The following WDPCP variants were observed in gnomAD, a reference collection of about 807,000 sequenced individuals.
The protein encoded by WDPCP is WD repeat-containing and planar cell polarity effector protein fritz homolog.
In WDPCP, 71 loss-of-function variants were observed where a neutral mutation model predicts 93.1. The ratio of observed to expected loss-of-function variants is 0.76; its 90% CI spans 0.63 to 0.93. The LOEUF is 0.93. Among genes scored for constraint, WDPCP ranks in the 40% least tolerant of loss-of-function variants. The probability of loss-of-function intolerance (pLI) is 0.00; values close to 1 mark genes in which losing one functional copy is unlikely to be tolerated. For synonymous variants in WDPCP, 315 were observed against 315.0 expected (o/e 1.00, Z 0.00); for missense variants, 844 against 887.4 (o/e 0.95, Z 0.62).
intron 12 of WDPCP, among the ~76,000 whole-genome samples, chr2:63,344,430 G>C (rs1010490321): frequency 1.4e-4 from 21 of 152,066 alleles, no homozygotes; most frequent in Non-Finnish European, 1.5e-5. Flanking sequence ...TTTCTTACTT[G>C]TGCAGACTCT....
chr2:63,436,118 T>G (rs1045109680), intron 8 of WDPCP, among the ~76,000 whole-genome samples: 15 of 152,144 alleles, frequency 9.9e-5, no homozygotes, highest in African/African-American at 3.6e-4. Context: ...TGGTTTGAGT[T>G]AATGCACACT....
chr2:63,257,896 A>G (rs913415072), intron 14 of WDPCP, among the ~76,000 whole-genome samples: 2 of 152,148 alleles, frequency 1.3e-5, no homozygotes, highest in South Asian at 2.1e-4. Context: ...CAGGACAACT[A>G]AGGAAAATTC....
At chr2:63,277,917 A>G (rs1683209042) in intron 13 of WDPCP, among the ~76,000 whole-genome samples, 1 of 152,232 alleles carries the variant, frequency 6.6e-6, no homozygotes, top group Non-Finnish European at 1.5e-5. Context: ...AGATATTTAC[A>G]GAACATTCTA....
Position 63,734,243 on chromosome 2 carries a change from G to T in WDPCP, n.308+79379C>A, listed in dbSNP as rs1185390364. ...TTACATTCAACTAGACAAATTCCAA[G>T]TATGTGATATAAGGTTCTTAAGATT... On this transcript the variant is annotated intron_variant and non_coding_transcript_variant, in intron 2 of 4. Coordinates refer to the WDPCP transcript ENST00000467687. Among the ~76,000 whole-genome samples the T allele has an allele frequency of 2.6e-5, 4 of 152,106 alleles. No individual in the cohort carries two copies. In the East Asian group the frequency reaches 7.7e-4, roughly 29 times the overall value.
intron 2 of WDPCP, among the ~76,000 whole-genome samples, chr2:63,655,748 T>C (rs1025543579): frequency 6.6e-6 from 1 of 152,250 alleles, no homozygotes; most frequent in Non-Finnish European, 1.5e-5. Flanking sequence ...TGTAATACTA[T>C]ATATGCTGTT....
chr2:63,159,090 A>C (rs1229017804), intron 15 of WDPCP, among the ~76,000 whole-genome samples: 1 of 150,702 alleles, frequency 6.6e-6, no homozygotes, highest in Non-Finnish European at 1.5e-5. Flanking sequence ...CAGGAGGTTA[A>C]GGCTGCAGTG....
intron 10 of WDPCP, among the ~76,000 whole-genome samples, chr2:63,391,660 C>A (rs910664635): frequency 2.0e-5 from 3 of 152,166 alleles, no homozygotes; most frequent in Non-Finnish European, 4.4e-5. Context: ...AGCTCAAAAT[C>A]TTCTTAAGCT....
Position 63,174,719 on chromosome 2 carries a change from T to TTGTAAAATATGTCTG in WDPCP, c.2028_2029insCAGACATATTTTACA (p.Pro676_Thr677insGlnThrTyrPheThr). On this transcript the variant is annotated inframe_insertion, in exon 15 of 18. Coordinates refer to ENST00000272321, the MANE Select transcript of WDPCP (RefSeq NM_015910.7). Reference sequence around the variant, plus strand: ...CTTTGTTGTAAAATATGTCTGTGGGTTGGGCAAGAGGGAGGGAGGTTATCT... The same window carrying TTGTAAAATATGTCTG: ...CTTTGTTGTAAAATATGTCTGTGGGTTGTAAAATATGTCTGTGGGCAAGAGGGAGGGAGGTTATCT... 1 of 1,613,966 alleles carries TTGTAAAATATGTCTG rather than the reference T, an allele frequency of 6.2e-7. No homozygotes were observed. The highest frequency in any genetic ancestry group is 1.7e-5 in the Admixed American group (1 of 60,010).
intron 12 of WDPCP, among the ~76,000 whole-genome samples, chr2:63,316,169 T>C (rs1686623371): frequency 6.6e-6 from 1 of 152,054 alleles, no homozygotes; most frequent in Admixed American, 6.6e-5. Flanking sequence ...ATTAAAAATA[T>C]AAAGAGAGGC....
chr2:63,431,022 CTTTGT>C (rs933262184), intron 9 of WDPCP, among the ~76,000 whole-genome samples: 3 of 152,026 alleles, frequency 2.0e-5, no homozygotes, highest in Non-Finnish European at 4.4e-5. Flanking sequence ...TCTATGTTTC[CTTTGT>C]TTTGTTTTGT....
chr2:63,338,572 ATATATATATATATATATATATATATATAT>A (rs1688618423), intron 12 of WDPCP, among the ~76,000 whole-genome samples: 2 of 4,890 alleles, frequency 4.1e-4, no homozygotes, highest in Non-Finnish European at 2.6e-4. Context: ...AAAAAAAAAT[ATATATATATATATATATATATATATATAT>A]ATATATATAT....
chr2:63,612,778 G>A (rs377308623), intron 3 of WDPCP, among the ~76,000 whole-genome samples: 2 of 152,084 alleles, frequency 1.3e-5, no homozygotes, highest in African/African-American at 4.8e-5. Flanking sequence ...TGTACTACAT[G>A]TGTTAGTAAA....
rs562471927 is a variant in WDPCP at position 63,762,834 on chromosome 2, A to G, written n.308+50788T>C. Among the ~76,000 whole-genome samples the G allele has an allele frequency of 2.6e-5, 4 of 152,312 alleles. No individual in the cohort carries two copies. The South Asian group carries it at 8.3e-4, about 32-fold the overall frequency. Reference sequence around the variant, plus strand: ...CCACCCCACCTCTCAATACTGCCACATTGCGGATTAAGTTTCAACATGAAT... The same window carrying G: ...CCACCCCACCTCTCAATACTGCCACGTTGCGGATTAAGTTTCAACATGAAT... On this transcript the variant is annotated intron_variant and non_coding_transcript_variant, in intron 2 of 4. Transcript: ENST00000467687.
At chr2:63,655,182 A>T (rs1710152469) in intron 2 of WDPCP, among the ~76,000 whole-genome samples, 1 of 152,210 alleles carries the variant, frequency 6.6e-6, no homozygotes, top group African/African-American at 2.4e-5. Context: ...ACACAAAGAA[A>T]GTGTGGCTCA....
At chr2:63,445,213 TA>T (rs1275194571) in intron 6 of WDPCP, among the ~76,000 whole-genome samples, 6 of 150,950 alleles carry the variant, frequency 4.0e-5, no homozygotes, top group South Asian at 2.1e-4. Context: ...AGTTAAGAAT[TA>T]AAAAAAAATT....
intron 12 of WDPCP, among the ~76,000 whole-genome samples, chr2:63,336,238 G>T (rs4353635): frequency 6.6e-6 from 1 of 152,112 alleles, no homozygotes; most frequent in East Asian, 1.9e-4. Context: ...GATCAGGACC[G>T]CTTTCCTGTA....
Position 63,404,312 on chromosome 2 carries a change from T to A in WDPCP, c.1171A>T (p.Ile391Phe). 1.2e-6 allele frequency: 2 copies of A among 1,614,176 alleles called. No individual in the cohort carries two copies. Among genetic ancestry groups the A allele is most frequent in the Middle Eastern group, 1.6e-4 (1 of 6,062 alleles). Residue 391 changes from isoleucine to phenylalanine, a missense_variant, in exon 10 of 18, where the codon ATT becomes TTT. Transcript: ENST00000272321. ...SLISCHPSGAILLVGSNQGEL... is the reference protein window; with the variant it reads ...SLISCHPSGAFLLVGSNQGEL... Reference sequence around the variant, plus strand: ...CCTTGGTTGCTGCCAACTAGCAGAATGGCACCACTTGGGTGGCAGCTTATT... The same window carrying A: ...CCTTGGTTGCTGCCAACTAGCAGAAAGGCACCACTTGGGTGGCAGCTTATT...
chr2:63,590,830 C>T (rs1709184738), upstream of WDPCP: 1 of 152,196 alleles, frequency 6.6e-6, no homozygotes, highest in Admixed American at 6.5e-5. Flanking sequence ...CTCAATTTCC[C>T]TGCCCCCTCA....
upstream of WDPCP, among the ~76,000 whole-genome samples, chr2:63,592,298 T>A (rs1401399049): frequency 6.6e-6 from 1 of 152,242 alleles, no homozygotes; most frequent in Non-Finnish European, 1.5e-5. Flanking sequence ...AGTTTCCAGT[T>A]TTCTCAATAC....
Sources: allele counts gnomAD v4.1 joint callset (sites outside exome capture counted in the v4.1 genomes callset), GRCh38; gene constraint gnomAD v4.1.1; transcripts MANE v1.5; gene names NCBI Gene and HGNC (gene_info 2026-07-23, HGNC 2026-07-21).